Variants in PCDHB5 observed in about 807,000 individuals in gnomAD.
The protein encoded by PCDHB5 is protocadherin beta 5, also known as protocadherin beta-5.
For synonymous variants in PCDHB5, 569 were observed against 462.2 expected, an observed-to-expected ratio of 1.23 and a Z score of -2.96; for missense variants, 1,125 against 1,029.4, an observed-to-expected ratio of 1.09 and a Z score of -1.27.
Position 141,136,427 on chromosome 5 carries a change from T to G in PCDHB5, c.993T>G (p.Thr331=). The G allele has an allele frequency of 6.2e-7, 1 of 1,614,100 alleles. No homozygotes were observed. The highest frequency in any genetic ancestry group is 8.5e-7 in the Non-Finnish European group (1 of 1,180,016). Residue 331 remains threonine, a synonymous_variant, in exon 1 of 1, where the codon ACT becomes ACG. Coordinates refer to ENST00000231134, the MANE Select transcript of PCDHB5 (RefSeq NM_015669.5). The part of the protein sequence containing the change: ...TDGGGLSGKC[T]VAIEVVDVND... ...GTGGGGGCCTTTCAGGAAAATGCAC[T>G]GTGGCTATAGAAGTGGTGGATGTGA...
rs189483426 is a variant in PCDHB5, at chr5:141,135,708, C to G, written c.274C>G (p.Arg92Gly). 4 of 1,613,926 alleles carry G rather than the reference C, an allele frequency of 2.5e-6. No homozygotes were observed. The highest frequency in any genetic ancestry group is 3.4e-6 in the Non-Finnish European group (4 of 1,180,006). Residue 92 changes from arginine to glycine, a missense_variant, in exon 1 of 1, where the codon CGG becomes GGG. Physicochemically the swap from Arg to Gly is moderately radical, Grantham distance 125. Coordinates refer to ENST00000231134, the MANE Select transcript of PCDHB5 (RefSeq NM_015669.5). ...TTTGCTTCTATATGAAAAACTAGAC[C>G]GGGAGGTGATGTGCGGGGCGACAGA... ...GNLLLYEKLDREVMCGATEPC... is the reference protein window; with the variant it reads ...GNLLLYEKLDGEVMCGATEPC...
At position 141,137,634 on chromosome 5, in the gene PCDHB5, C is replaced by T. The variant is rs782423461; in HGVS notation, c.2200C>T (p.His734Tyr). ...CSVPEGPFPG[H>Y]LVDVSGTGTL... ...GGTGCCCGAGGGCCCCTTTCCAGGG[C>T]ATCTGGTGGACGTGAGCGGCACCGG... The change falls in exon 1 of 1, where the codon CAT (histidine) becomes TAT (tyrosine). Residue 734 changes from histidine (H) to tyrosine (Y), a missense_variant. Coordinates refer to ENST00000231134, the MANE Select transcript of PCDHB5 (RefSeq NM_015669.5). 8.1e-6 allele frequency: 13 copies of T among 1,613,874 alleles called. No homozygotes were observed. The highest frequency in any genetic ancestry group is 1.7e-5 in the Admixed American group (1 of 60,014).
Position 141,137,268 on chromosome 5 carries a change from G to C in PCDHB5, c.1834G>C (p.Gly612Arg), listed in dbSNP as rs1295674700. ...CCAGCTGCTCAAGGCCACGGAGCCCGGGCTGTTCAGCATGTGGGCGCACAA... is the reference window on the plus strand; with the variant it reads ...CCAGCTGCTCAAGGCCACGGAGCCCCGGCTGTTCAGCATGTGGGCGCACAA... ...SYQLLKATEP[G>R]LFSMWAHNGE... The change falls in exon 1 of 1, where the codon GGG becomes CGG. Residue 612 changes from glycine (G) to arginine (R), a missense_variant. Coordinates refer to ENST00000231134, the MANE Select transcript of PCDHB5 (RefSeq NM_015669.5). 2 of 1,610,636 alleles carry C rather than the reference G, an allele frequency of 1.2e-6. No individual in the cohort carries two copies. The highest frequency in any genetic ancestry group is 1.7e-6 in the Non-Finnish European group (2 of 1,179,700).
chr5:141,135,811 T>C lies in PCDHB5; in HGVS notation c.377T>C (p.Ile126Thr), dbSNP rs782650682. The change falls in exon 1 of 1, where the codon ATA (isoleucine) becomes ACA (threonine). Residue 126 changes from isoleucine to threonine, a missense_variant. Physicochemically the swap from Ile to Thr is moderately conservative, Grantham distance 89. Coordinates refer to ENST00000231134, the MANE Select transcript of PCDHB5 (RefSeq NM_015669.5). Reference sequence around the variant, plus strand: ...CAAACTGATCTGCAGCTCACAGATATAAATGACCATGCCCCAGAGTTCCCA... The same window carrying C: ...CAAACTGATCTGCAGCTCACAGATACAAATGACCATGCCCCAGAGTTCCCA... ...FFQTDLQLTD[I>T]NDHAPEFPEK... 1.9e-6 allele frequency: 3 copies of C among 1,613,980 alleles called. No homozygotes were observed. The highest frequency in any genetic ancestry group is 3.3e-5 in the Admixed American group (2 of 60,004).
rs2149632376 is a variant in PCDHB5, at chr5:141,135,724, G to T, written c.290G>T (p.Gly97Val). ...YEKLDREVMC[G>V]ATEPCILHFQ... ...AAACTAGACCGGGAGGTGATGTGCG[G>T]GGCGACAGAACCCTGTATATTGCAT... The change falls in exon 1 of 1, where the codon GGG becomes GTG. Residue 97 changes from glycine to valine, a missense_variant. Gly to Val is a moderately radical substitution (Grantham distance 109). Coordinates refer to ENST00000231134, the MANE Select transcript of PCDHB5 (RefSeq NM_015669.5). The T allele has an allele frequency of 6.2e-7, 1 of 1,614,042 alleles. No homozygotes were observed. Among genetic ancestry groups the T allele is most frequent in the Non-Finnish European group, 8.5e-7 (1 of 1,180,008 alleles).
rs782587606 is a variant in PCDHB5, at chr5:141,136,868, C to A, written c.1434C>A (p.Asp478Glu). 8.7e-6 allele frequency: 14 copies of A among 1,612,772 alleles called. No homozygotes were observed. Among genetic ancestry groups the A allele is most frequent in the Non-Finnish European group, 3.4e-6 (4 of 1,180,038 alleles). ...HIGSVSATDR[D>E]SGTNAQVTYS... The stretch of plus-strand genomic sequence containing the variant: ...GCAGTGTCAGCGCCACAGACAGAGA[C>A]TCAGGCACCAACGCCCAGGTCACCT... Residue 478 changes from aspartate to glutamate, a missense_variant, in exon 1 of 1, where the codon GAC (aspartate) becomes GAA (glutamate). By Grantham distance (45) the Asp-to-Glu change is conservative. Transcript: ENST00000231134.
Position 141,135,329 on chromosome 5 carries a change from C to A in PCDHB5, c.-106C>A. 1.2e-6 allele frequency: 1 copy of A among 814,780 alleles called. No individual in the cohort carries two copies. The highest frequency in any genetic ancestry group is 2.0e-6 in the Non-Finnish European group (1 of 510,918). The allele number at this position is 814,780 out of a possible 1,614,324, so 50.5% of individuals were successfully genotyped here. A position where few individuals can be genotyped will look rare whatever the true frequency, so the allele number is the denominator to read the frequency against. On this transcript the variant is annotated 5_prime_UTR_variant, in exon 1 of 1. Coordinates refer to ENST00000231134, the MANE Select transcript of PCDHB5 (RefSeq NM_015669.5). ...CTAGATCTTCAGGGTGGGCTTCGTT[C>A]TTGTGGAAATCAGTCAAGAAAGATC...
Position 141,137,817 on chromosome 5 carries a change from A to C in PCDHB5, c.2383A>C (p.Asn795His). The part of the protein sequence containing the change: ...TAAFRNSFGL[N>H] ...TGCCTTCCGGAATAGCTTTGGATTAAATTAGAGATCTCGTGATGACGCGTT... is the reference window on the plus strand; with the variant it reads ...TGCCTTCCGGAATAGCTTTGGATTACATTAGAGATCTCGTGATGACGCGTT... The change falls in exon 1 of 1, where the codon AAT becomes CAT. Residue 795 changes from asparagine (N) to histidine (H), a missense_variant. Asn to His is a moderately conservative substitution (Grantham distance 68, BLOSUM62 1). Coordinates refer to ENST00000231134, the MANE Select transcript of PCDHB5 (RefSeq NM_015669.5). 1 of 1,586,858 alleles carries C rather than the reference A, an allele frequency of 6.3e-7. No homozygotes were observed. The highest frequency in any genetic ancestry group is 8.6e-7 in the Non-Finnish European group (1 of 1,165,984).
Position 141,136,010 on chromosome 5 carries a change from A to G in PCDHB5, c.576A>G (p.Pro192=). ...THNRGDGRKY[P]ELVLDKALDR... ...ATCGCGGAGATGGCAGAAAATACCCAGAGCTGGTGCTGGACAAAGCGCTGG... is the reference window on the plus strand; with the variant it reads ...ATCGCGGAGATGGCAGAAAATACCCGGAGCTGGTGCTGGACAAAGCGCTGG... The change falls in exon 1 of 1, where the codon CCA becomes CCG. Residue 192 remains proline, a synonymous_variant. Coordinates refer to ENST00000231134, the MANE Select transcript of PCDHB5 (RefSeq NM_015669.5). The G allele has an allele frequency of 6.2e-7, 1 of 1,614,214 alleles. No homozygotes were observed. Among genetic ancestry groups the G allele is most frequent in the Non-Finnish European group, 8.5e-7 (1 of 1,180,024 alleles).
At position 141,137,061 on chromosome 5, in the gene PCDHB5, G is replaced by C. The variant is rs1212339960; in HGVS notation, c.1627G>C (p.Glu543Gln). The C allele has an allele frequency of 5.0e-6, 8 of 1,611,722 alleles. No homozygotes were observed. Among genetic ancestry groups the C allele is most frequent in the Non-Finnish European group, 6.8e-6 (8 of 1,179,680 alleles). ...CCGCGGCTCCCCGGCGCTGAGCAGC[G>C]AGGCGCTGGTGCGCGTGCTGGTGCT... ...TDRGSPALSS[E>Q]ALVRVLVLDA... Residue 543 changes from glutamate to glutamine, a missense_variant, in exon 1 of 1, where the codon GAG (glutamate) becomes CAG (glutamine). By Grantham distance (29) the Glu-to-Gln change is conservative (BLOSUM62 2). Transcript: ENST00000231134.
rs1554275984 is a variant in PCDHB5 at position 141,136,757 on chromosome 5, C to T, written c.1323C>T (p.Ser441=). The part of the protein sequence containing the change: ...KTEHNITVLV[S]DVNDNAPAFT... ...AGCACAACATAACGGTCCTGGTCTC[C>T]GACGTCAATGACAACGCCCCCGCCT... Residue 441 remains serine (S), a synonymous_variant, in exon 1 of 1, where the codon TCC becomes TCT. Transcript: ENST00000231134. The T allele has an allele frequency of 3.7e-6, 6 of 1,613,886 alleles. No homozygotes were observed. In the East Asian group the frequency reaches 6.7e-5, roughly 18 times the overall value.
Position 141,135,414 on chromosome 5 carries a change from C to T in PCDHB5, c.-21C>T, listed in dbSNP as rs1396793992. On this transcript the variant is annotated 5_prime_UTR_variant, in exon 1 of 1. Transcript: ENST00000231134. ...GATTGTGTACGGAGTTAAACTGCGCCTTCTGGACCGGGTCTGAACAATGGA... is the reference window on the plus strand; with the variant it reads ...GATTGTGTACGGAGTTAAACTGCGCTTTCTGGACCGGGTCTGAACAATGGA... 2 of 1,542,270 alleles carry T rather than the reference C, an allele frequency of 1.3e-6. No individual in the cohort carries two copies. Among genetic ancestry groups the T allele is most frequent in the East Asian group, 4.5e-5 (2 of 44,502 alleles).
At position 141,136,128 on chromosome 5, in the gene PCDHB5, G is replaced by C. The variant is rs782266109; in HGVS notation, c.694G>C (p.Val232Leu). The change falls in exon 1 of 1, where the codon GTC (valine) becomes CTC (leucine). Residue 232 changes from valine to leucine, a missense_variant. By Grantham distance (32) the Val-to-Leu change is conservative. Coordinates refer to ENST00000231134, the MANE Select transcript of PCDHB5 (RefSeq NM_015669.5). ...CGGGACCACCACAATTCGCATTGTCGTCTTGGATAATAATGACAACGCCCC... is the reference window on the plus strand; with the variant it reads ...CGGGACCACCACAATTCGCATTGTCCTCTTGGATAATAATGACAACGCCCC... ...RSGTTTIRIV[V>L]LDNNDNAPEF... 3 of 1,614,124 alleles carry C rather than the reference G, an allele frequency of 1.9e-6. No homozygotes were observed. The highest frequency in any genetic ancestry group is 2.2e-5 in the South Asian group (2 of 91,074).
Position 141,135,718 on chromosome 5 carries a change from T to C in PCDHB5, c.284T>C (p.Met95Thr), listed in dbSNP as rs782385311. The C allele has an allele frequency of 1.4e-5, 22 of 1,613,994 alleles. No homozygotes were observed. The highest frequency in any genetic ancestry group is 1.2e-4 in the Admixed American group (7 of 59,990). ...LLYEKLDREV[M>T]CGATEPCILH... ...TATGAAAAACTAGACCGGGAGGTGATGTGCGGGGCGACAGAACCCTGTATA... is the reference window on the plus strand; with the variant it reads ...TATGAAAAACTAGACCGGGAGGTGACGTGCGGGGCGACAGAACCCTGTATA... Residue 95 changes from methionine to threonine, a missense_variant, in exon 1 of 1, where the codon ATG becomes ACG. Transcript: ENST00000231134.
In PCDHB5 at chr5:141,136,687, T is replaced by C. The variant is rs1292181835; in HGVS notation, c.1253T>C (p.Ile418Thr). Residue 418 changes from isoleucine (I) to threonine (T), a missense_variant, in exon 1 of 1, where the codon ATC becomes ACC. Coordinates refer to ENST00000231134, the MANE Select transcript of PCDHB5 (RefSeq NM_015669.5). ...LDRESQAEYN[I>T]TITVTDMGTP... The stretch of plus-strand genomic sequence containing the variant: ...AGAGAGAGCCAAGCCGAGTACAACA[T>C]CACCATCACTGTCACCGACATGGGG... The C allele has an allele frequency of 4.3e-6, 7 of 1,613,904 alleles. No individual in the cohort carries two copies. The highest frequency in any genetic ancestry group is 5.9e-6 in the Non-Finnish European group (7 of 1,179,978).
chr5:141,137,879 G>C lies in PCDHB5; in HGVS notation c.*57G>C, dbSNP rs920870477. 4.1e-5 allele frequency: 60 copies of C among 1,468,694 alleles called. No homozygotes were observed. Among genetic ancestry groups the C allele is most frequent in the Non-Finnish European group, 5.2e-5 (57 of 1,088,192 alleles). 91.0% of individuals were successfully genotyped at this position (1,468,694 alleles called of 1,614,324 possible). A position where few individuals can be genotyped will look rare whatever the true frequency, so the allele number is the denominator to read the frequency against. On this transcript the variant is annotated 3_prime_UTR_variant, in exon 1 of 1. Coordinates refer to ENST00000231134, the MANE Select transcript of PCDHB5 (RefSeq NM_015669.5). ...TTTATCCCAAACTTTTTCAGATCTA[G>C]AATTCGAGAGTGTCATGGACAAAAA...
chr5:141,135,966 T>C lies in PCDHB5; in HGVS notation c.532T>C (p.Phe178Leu). ...QNYTISPNSHFHVATHNRGDG... is the reference protein window; with the variant it reads ...QNYTISPNSHLHVATHNRGDG... ...CTACACAATCAGCCCAAATTCACACTTTCATGTTGCTACGCATAATCGCGG... is the reference window on the plus strand; with the variant it reads ...CTACACAATCAGCCCAAATTCACACCTTCATGTTGCTACGCATAATCGCGG... The change falls in exon 1 of 1, where the codon TTT becomes CTT. Residue 178 changes from phenylalanine (F) to leucine (L), a missense_variant. Physicochemically the swap from Phe to Leu is conservative, Grantham distance 22 (BLOSUM62 0). Coordinates refer to ENST00000231134, the MANE Select transcript of PCDHB5 (RefSeq NM_015669.5). The C allele has an allele frequency of 6.2e-7, 1 of 1,614,236 alleles. No homozygotes were observed. The highest frequency in any genetic ancestry group is 8.5e-7 in the Non-Finnish European group (1 of 1,180,048).
rs148772334 is a variant in PCDHB5, at chr5:141,136,830, G to A, written c.1396G>A (p.Ala466Thr). The A allele has an allele frequency of 2.5e-6, 4 of 1,613,140 alleles. No individual in the cohort carries two copies. Among genetic ancestry groups the A allele is most frequent in the African/African-American group, 2.7e-5 (2 of 74,876 alleles). The change falls in exon 1 of 1, where the codon GCC becomes ACC. Residue 466 changes from alanine to threonine, a missense_variant. Coordinates refer to ENST00000231134, the MANE Select transcript of PCDHB5 (RefSeq NM_015669.5). ...GTTCGTCCGAGAGAACAACAGCCCC[G>A]CCCTGCACATCGGCAGTGTCAGCGC... ...TLFVRENNSP[A>T]LHIGSVSATD...
At position 141,137,116 on chromosome 5, in the gene PCDHB5, T is replaced by C. The variant is rs543604482; in HGVS notation, c.1682T>C (p.Leu561Pro). 9.9e-6 allele frequency: 16 copies of C among 1,611,558 alleles called. No individual in the cohort carries two copies. In the South Asian group the frequency reaches 1.6e-4, roughly 17 times the overall value. Residue 561 changes from leucine (L) to proline (P), a missense_variant, in exon 1 of 1, where the codon CTG becomes CCG. Transcript: ENST00000231134. ...GCCAACGACAACTCGCCCTTCGTGCTGTATCCGCTGCAGAACGGCTCGGCG... is the reference window on the plus strand; with the variant it reads ...GCCAACGACAACTCGCCCTTCGTGCCGTATCCGCTGCAGAACGGCTCGGCG... ...LDANDNSPFV[L>P]YPLQNGSAPC...
Sources: gnomAD v4.1 joint callset for allele counts on GRCh38, gnomAD v4.1.1 for gene constraint, MANE v1.5 for transcripts, NCBI Gene and HGNC (gene_info 2026-07-23, HGNC 2026-07-21) for gene names.